MKLN1: variants seen among roughly 807,000 people sequenced by gnomAD.
The protein encoded by MKLN1 is muskelin 1, also known as muskelin.
MKLN1 carries 18 observed loss-of-function variants against 99.0 expected under a neutral mutation model. The ratio of observed to expected loss-of-function variants is 0.18; its 90% CI spans 0.13 to 0.27. The LOEUF (loss-of-function observed/expected upper bound fraction) is 0.27. Ranked by LOEUF, MKLN1 falls within the 10% of genes least tolerant of loss-of-function variation. The pLI is 1.00. For missense variants in MKLN1, 621 were observed against 875.9 expected (o/e 0.71, Z 3.67); for synonymous variants, 288 against 293.2 (o/e 0.98, Z 0.18).
intron 3 of MKLN1, among the ~76,000 whole-genome samples, chr7:131,246,704 A>G (rs1239300213): frequency 6.7e-6 from 1 of 149,614 alleles, no homozygotes; most frequent in African/African-American, 2.5e-5. Flanking sequence ...CCCAGGCTGG[A>G]CTCCTGGCCT....
intron 1 of MKLN1, among the ~76,000 whole-genome samples, chr7:131,337,867 C>T (rs1188752969): frequency 6.6e-6 from 1 of 151,774 alleles, no homozygotes; most frequent in African/African-American, 2.4e-5. Flanking sequence ...ACATTATATG[C>T]AGAATTTTAG....
At chr7:131,387,957 A>T (rs764350031) in intron 3 of MKLN1, among the ~76,000 whole-genome samples, 11 of 152,154 alleles carry the variant, frequency 7.2e-5, no homozygotes, top group Non-Finnish European at 1.5e-4. Context: ...TCACGAGGTC[A>T]GGAGTTCAAG....
chr7:131,195,091 A>G (rs1796621743), intron 2 of MKLN1, among the ~76,000 whole-genome samples: 1 of 152,214 alleles, frequency 6.6e-6, no homozygotes, highest in African/African-American at 2.4e-5. Context: ...TGAGGAAAAG[A>G]AAGGTAAGGA....
rs1280835945 is a variant in MKLN1, at chr7:131,491,404, C to T, written c.*3676C>T. On this transcript the variant is annotated 3_prime_UTR_variant, in exon 18 of 18. Transcript: ENST00000352689. ...TGGCTGGAGGAGTATCATACAGTGT[C>T]TACATATGATAGTACTTACAGATTA... The T allele has an allele frequency of 2.0e-5, 3 of 152,064 alleles. No individual in the cohort carries two copies. Among genetic ancestry groups the T allele is most frequent in the Non-Finnish European group, 2.9e-5 (2 of 68,018 alleles). 9.4% of individuals were successfully genotyped at this position (152,064 alleles called of 1,614,324 possible). A position where few individuals can be genotyped will look rare whatever the true frequency, so the allele number is the denominator to read the frequency against.
chr7:131,188,652 G>C (rs1369660000), intron 2 of MKLN1, among the ~76,000 whole-genome samples: 1 of 152,184 alleles, frequency 6.6e-6, no homozygotes, highest in Non-Finnish European at 1.5e-5. Flanking sequence ...CAGCCAAAAG[G>C]CAGGCCCAGA....
At chr7:131,382,805 G>T (rs904107897) in intron 2 of MKLN1, among the ~76,000 whole-genome samples, 1 of 151,744 alleles carries the variant, frequency 6.6e-6, no homozygotes, top group African/African-American at 2.4e-5. Flanking sequence ...CTCACTGCAA[G>T]CTCCGCCCCA....
At chr7:131,374,657 C>T (rs960891091) in intron 1 of MKLN1, among the ~76,000 whole-genome samples, 16 of 152,180 alleles carry the variant, frequency 1.1e-4, no homozygotes, top group Non-Finnish European at 2.1e-4. Context: ...TGCCTTTAGC[C>T]TTACAGTTTC....
intron 4 of MKLN1, among the ~76,000 whole-genome samples, chr7:131,391,747 C>G (rs1432152087): frequency 6.6e-6 from 1 of 152,118 alleles, no homozygotes; most frequent in Non-Finnish European, 1.5e-5. Flanking sequence ...TGGATATTTT[C>G]TTGAATTCTG....
intron 2 of MKLN1, among the ~76,000 whole-genome samples, chr7:131,165,454 G>A (rs950247352): frequency 1.3e-5 from 2 of 152,186 alleles, no homozygotes; most frequent in Non-Finnish European, 2.9e-5. Flanking sequence ...CAAAGTGCTA[G>A]GATTACAGGC....
chr7:131,239,785 T>C (rs957218985), intron 3 of MKLN1, among the ~76,000 whole-genome samples: 1 of 152,078 alleles, frequency 6.6e-6, no homozygotes, highest in Non-Finnish European at 1.5e-5. Context: ...AAGCCAGGAG[T>C]TTGAGACCAG....
upstream of MKLN1, chr7:131,327,839 C>T: frequency 6.3e-7 from 1 of 1,593,778 alleles, no homozygotes; most frequent in Non-Finnish European, 8.5e-7. Flanking sequence ...GCAGGCCACG[C>T]CCCCTCCCCT....
rs1203880128 is a variant in MKLN1, at chr7:131,192,154, C to A, written c.-296-10703C>A. Reference sequence around the variant, plus strand: ...ATAAAAATATATATACGTATATATACATATATACTTATGTATAATATATAA... The same window carrying A: ...ATAAAAATATATATACGTATATATAAATATATACTTATGTATAATATATAA... On this transcript the variant is annotated intron_variant, in intron 2 of 7. Coordinates refer to the MKLN1 transcript ENST00000416992. Among the ~76,000 whole-genome samples, 101 of 108,612 alleles carry A rather than the reference C, an allele frequency of 9.3e-4. 9 individuals carry two copies. The highest frequency in any genetic ancestry group is 4.1e-3 in the African/African-American group (97 of 23,704). The allele number at this position is 108,612 out of a possible 152,430, so 71.3% of individuals were successfully genotyped here.
intron 16 of MKLN1, chr7:131,478,331 G>T (rs1797021562): frequency 1.7e-5 from 5 of 293,968 alleles, no homozygotes; most frequent in Non-Finnish European, 3.1e-5. Flanking sequence ...TTTTTATTTT[G>T]TTGTGCTGTT....
chr7:131,164,307 G>C (rs537773869), intron 2 of MKLN1, among the ~76,000 whole-genome samples: 17 of 152,242 alleles, frequency 1.1e-4, no homozygotes, highest in African/African-American at 3.9e-4. Flanking sequence ...TAGAGATGTG[G>C]TCTCACTATG....
At chr7:131,297,178 G>A (rs145411163) in intron 3 of MKLN1, among the ~76,000 whole-genome samples, 3,686 of 152,112 alleles carry the variant, frequency 0.024, 126 homozygotes, top group African/African-American at 0.084. Flanking sequence ...TAGCTAACAC[G>A]GTGAAACCCT....
chr7:131,327,868 C>A (rs528373503), upstream of MKLN1: 2 of 1,605,792 alleles, frequency 1.2e-6, no homozygotes, highest in Non-Finnish European at 1.7e-6. Context: ...TCGCTGCCAG[C>A]GGTCGGTGGC....
At chr7:131,467,835 C>G (rs993474370) in intron 15 of MKLN1, among the ~76,000 whole-genome samples, 1 of 152,162 alleles carries the variant, frequency 6.6e-6, no homozygotes, top group Non-Finnish European at 1.5e-5. Flanking sequence ...TGCTTTCCCT[C>G]AGGTGGGGAA....
chr7:131,244,664 G>A lies in MKLN1; in HGVS notation c.-179+41690G>A, dbSNP rs1017186281. ...AGACAGCAAGTAGAGTTACAGTGACGACGGTGATGACGGTGATGACGATGA... is the reference window on the plus strand; with the variant it reads ...AGACAGCAAGTAGAGTTACAGTGACAACGGTGATGACGGTGATGACGATGA... On this transcript the variant is annotated intron_variant, in intron 3 of 7. Transcript: ENST00000416992. 7.9e-5 allele frequency among the ~76,000 whole-genome samples: 12 copies of A among 152,306 alleles called. No individual in the cohort carries two copies. The East Asian group carries it at 1.2e-3, about 15-fold the overall frequency.
chr7:131,113,132 AG>A (rs1795222326), intron 1 of MKLN1, among the ~76,000 whole-genome samples: 1 of 152,238 alleles, frequency 6.6e-6, no homozygotes, highest in African/African-American at 2.4e-5. Flanking sequence ...TGATATCAAC[AG>A]GGGAGCTCAT....
Sources: allele counts gnomAD v4.1 joint callset (sites outside exome capture counted in the v4.1 genomes callset), GRCh38; gene constraint gnomAD v4.1.1; transcripts MANE v1.5; gene names NCBI Gene and HGNC (gene_info 2026-07-23, HGNC 2026-07-21).